Variants in LRMDA observed in about 807,000 individuals in gnomAD.
LRMDA encodes the protein leucine rich melanocyte differentiation associated.
LRMDA carries 18 observed loss-of-function variants against 29.8 expected under a neutral mutation model. The ratio of observed to expected loss-of-function variants is 0.60; its 90% CI spans 0.42 to 0.90. LRMDA has a LOEUF of 0.90. LRMDA is among the 40% of genes least tolerant of loss of function. The pLI is 0.00. For synonymous variants in LRMDA, 125 were observed against 109.4 expected (o/e 1.14, Z -0.89); for missense variants, 273 against 273.9 (o/e 1.00, Z 0.02).
chr10:76,372,718 G>A (rs990127505), intron 6 of LRMDA, among the ~76,000 whole-genome samples: 3 of 152,072 alleles, frequency 2.0e-5, no homozygotes, highest in Non-Finnish European at 4.4e-5. Context: ...ATGCTATGCA[G>A]AGATGTACTC....
intron 5 of LRMDA, among the ~76,000 whole-genome samples, chr10:76,100,139 T>A: frequency 1.3e-5 from 2 of 152,338 alleles, no homozygotes; most frequent in African/African-American, 4.8e-5. Flanking sequence ...GATTGTTATG[T>A]GTTCCTGATA....
At chr10:76,178,782 T>C (rs571843139) in intron 5 of LRMDA, among the ~76,000 whole-genome samples, 1 of 152,342 alleles carries the variant, frequency 6.6e-6, no homozygotes, top group South Asian at 2.1e-4. Flanking sequence ...AAAAGCAGCG[T>C]ATTCAAGTGG....
At chr10:76,285,636 A>T (rs969046289) in intron 5 of LRMDA, among the ~76,000 whole-genome samples, 8 of 151,880 alleles carry the variant, frequency 5.3e-5, no homozygotes, top group African/African-American at 1.9e-4. Context: ...TTAGCTGGAG[A>T]CTTATAGGCA....
At chr10:76,524,630 T>A (rs922846875) in intron 6 of LRMDA, among the ~76,000 whole-genome samples, 1 of 152,234 alleles carries the variant, frequency 6.6e-6, no homozygotes, top group African/African-American at 2.4e-5. Context: ...CATAGATCTT[T>A]CCTTTTGAAC....
At position 76,019,589 on chromosome 10, in the gene LRMDA, T is replaced by A. The variant is rs530046179; in HGVS notation, c.132-16419T>A. Among the ~76,000 whole-genome samples the A allele has an allele frequency of 2.2e-4, 33 of 152,306 alleles. No homozygotes were observed. The South Asian group carries it at 5.2e-3, about 24-fold the overall frequency. On this transcript the variant is annotated intron_variant, in intron 2 of 6. Coordinates refer to ENST00000611255, the MANE Select transcript of LRMDA (RefSeq NM_001305581.2). The stretch of plus-strand genomic sequence containing the variant: ...TTGAAATAATGACCTTGGTTCATAT[T>A]TTCTGGCAAAGTAACAAGCAGAATA...
chr10:76,070,281 T>C (rs1848854690), intron 5 of LRMDA, among the ~76,000 whole-genome samples: 1 of 152,168 alleles, frequency 6.6e-6, no homozygotes, highest in South Asian at 2.1e-4. Flanking sequence ...GGTACCTAAG[T>C]CAGCTTGGGA....
chr10:75,444,969 G>A (rs1238883410), intron 2 of LRMDA, among the ~76,000 whole-genome samples: 1 of 152,114 alleles, frequency 6.6e-6, no homozygotes, highest in African/African-American at 2.4e-5. Flanking sequence ...TGTCACCCAG[G>A]CTGGAATGCA....
intron 5 of LRMDA, among the ~76,000 whole-genome samples, chr10:76,263,859 C>T (rs1839972761): frequency 6.6e-6 from 1 of 152,188 alleles, no homozygotes; most frequent in Non-Finnish European, 1.5e-5. Context: ...ACTCTGATGT[C>T]TTCTGCTACA....
At chr10:76,373,008 T>G (rs1008511743) in intron 6 of LRMDA, among the ~76,000 whole-genome samples, 4 of 152,318 alleles carry the variant, frequency 2.6e-5, no homozygotes, top group Admixed American at 2.6e-4. Flanking sequence ...GCTCTTCAGG[T>G]GCTCATTGCA....
intron 2 of LRMDA, among the ~76,000 whole-genome samples, chr10:75,949,335 G>A (rs1206461724): frequency 1.3e-5 from 2 of 152,240 alleles, no homozygotes; most frequent in Non-Finnish European, 2.9e-5. Flanking sequence ...TTCACACTGT[G>A]CAATCAAGTG....
At chr10:76,501,497 G>A (rs1252871559) in intron 6 of LRMDA, among the ~76,000 whole-genome samples, 1 of 151,884 alleles carries the variant, frequency 6.6e-6, no homozygotes, top group African/African-American at 2.4e-5. Flanking sequence ...CAGTGTGTAA[G>A]CATTTGCTTT....
chr10:75,856,603 C>T (rs1001074571), intron 2 of LRMDA, among the ~76,000 whole-genome samples: 2 of 152,162 alleles, frequency 1.3e-5, no homozygotes, highest in African/African-American at 4.8e-5. Flanking sequence ...CCAATAGATG[C>T]AGAAAAGGCC....
rs202003382 is a variant in LRMDA at position 76,375,125 on chromosome 10, TA to T, written c.601+50648del. Among the ~76,000 whole-genome samples the T allele has an allele frequency of 8.5e-3, 1,290 of 151,936 alleles. 10 individuals carry two copies. The highest frequency in any genetic ancestry group is 0.021 in the South Asian group (101 of 4,812). On this transcript the variant is annotated intron_variant, in intron 6 of 6. Transcript: ENST00000611255. ...CAGTATACTTTTTCTGCAAGGATGC[TA>T]AAAAAAATGGGATTTGCTTACCTGT... is the stretch of plus-strand genomic sequence containing the variant.
intron 2 of LRMDA, among the ~76,000 whole-genome samples, chr10:75,802,335 GCACACACACA>G (rs10571839): frequency 1.2e-4 from 18 of 147,146 alleles, no homozygotes; most frequent in African/African-American, 3.3e-4. Flanking sequence ...ACACACACGC[GCACACACACA>G]CACACACACA....
intron 2 of LRMDA, among the ~76,000 whole-genome samples, chr10:76,010,609 G>C (rs1277670680): frequency 6.6e-6 from 1 of 152,218 alleles, no homozygotes; most frequent in African/African-American, 2.4e-5. Context: ...ACTGTGCCCA[G>C]GCTATATCCA....
At chr10:75,999,509 T>G (rs990505706) in intron 2 of LRMDA, among the ~76,000 whole-genome samples, 5 of 152,202 alleles carry the variant, frequency 3.3e-5, no homozygotes, top group Non-Finnish European at 5.9e-5. Flanking sequence ...ATGAAAAAAA[T>G]AGATATACAT....
chr10:75,846,700 AC>A lies in LRMDA; in HGVS notation c.132-189306del, dbSNP rs150463484. Among the ~76,000 whole-genome samples, 666 of 152,282 alleles carry A rather than the reference AC, an allele frequency of 4.4e-3. 5 individuals carry two copies. The highest frequency in any genetic ancestry group is 0.015 in the African/African-American group (641 of 41,558). On this transcript the variant is annotated intron_variant, in intron 2 of 6. Transcript: ENST00000611255. Reference sequence around the variant, plus strand: ...TAGGCAAAGTAAATAAATAAATAATACCGAAATGATACCAAAAACAAACCCC... The same window carrying A: ...TAGGCAAAGTAAATAAATAAATAATACGAAATGATACCAAAAACAAACCCC...
chr10:76,388,413 T>C (rs1054732275), intron 6 of LRMDA, among the ~76,000 whole-genome samples: 2 of 152,138 alleles, frequency 1.3e-5, no homozygotes, highest in African/African-American at 4.8e-5. Flanking sequence ...TGACTGGAAA[T>C]GGGAATGATC....
chr10:76,194,128 G>T lies in LRMDA; in HGVS notation c.517-130273G>T, dbSNP rs187567913. On this transcript the variant is annotated intron_variant, in intron 5 of 6. Transcript: ENST00000611255. ...GTTGGGGTTACCACTGGGCTAAGAG[G>T]TATACAGGGACTAGAGTATGAAGAA... is the stretch of plus-strand genomic sequence containing the variant. 4.6e-5 allele frequency among the ~76,000 whole-genome samples: 7 copies of T among 152,304 alleles called. No individual in the cohort carries two copies. In the East Asian group the frequency reaches 1.4e-3, roughly 29 times the overall value.
Sources: gnomAD v4.1 joint callset for allele counts (sites outside exome capture counted in the v4.1 genomes callset) on GRCh38, gnomAD v4.1.1 for gene constraint, MANE v1.5 for transcripts, NCBI Gene and HGNC (gene_info 2026-07-23, HGNC 2026-07-21) for gene names.